STYXL2: variants seen among roughly 807,000 people sequenced by gnomAD.
STYXL2 encodes the protein serine/threonine/tyrosine interacting like 2, also known as serine/threonine/tyrosine-interacting-like protein 2.
A neutral mutation model predicts 52.4 loss-of-function variants in STYXL2; 44 were observed. The ratio of observed to expected loss-of-function variants is 0.84; its 90% CI spans 0.66 to 1.08. STYXL2 has a LOEUF of 1.08. STYXL2 is among the 50% of genes least tolerant of loss of function. STYXL2 has a pLI of 0.00. For synonymous variants in STYXL2, 604 were observed against 586.9 expected, an observed-to-expected ratio of 1.03 and a Z score of -0.42; for missense variants, 1,604 against 1,471.7, an observed-to-expected ratio of 1.09 and a Z score of -1.47.
intron 2 of STYXL2, among the ~76,000 whole-genome samples, chr1:167,101,418 T>C (rs1178622200): frequency 6.6e-6 from 1 of 152,198 alleles, no homozygotes; most frequent in Admixed American, 6.5e-5. Context: ...TTTCAGTTTC[T>C]TACAAAATTA....
Position 167,126,463 on chromosome 1 carries a change from C to T in STYXL2, c.1332C>T (p.Ser444=), listed in dbSNP as rs1403240207. The change falls in exon 6 of 6, where the codon AGC becomes AGT. Residue 444 remains serine (S), a synonymous_variant. Coordinates refer to ENST00000361200, the MANE Select transcript of STYXL2 (RefSeq NM_001080426.3). The part of the protein sequence containing the change: ...LSESSAWESV[S]SHDIWVLKQQ... ...AGAGCAGCGCCTGGGAGAGCGTGAG[C>T]AGCCACGACATCTGGGTCCTGAAGC... 6.3e-7 allele frequency: 1 copy of T among 1,593,670 alleles called. No homozygotes were observed. Among genetic ancestry groups the T allele is most frequent in the Admixed American group, 1.8e-5 (1 of 56,500 alleles).
At position 167,126,181 on chromosome 1, in the gene STYXL2, G is replaced by A; in HGVS notation, c.1050G>A (p.Leu350=). 1 of 1,521,958 alleles carries A rather than the reference G, an allele frequency of 6.6e-7. No individual in the cohort carries two copies. The highest frequency in any genetic ancestry group is 8.8e-7 in the Non-Finnish European group (1 of 1,138,620). The allele number at this position is 1,521,958 out of a possible 1,614,324, so 94.3% of individuals were successfully genotyped here. A position where few individuals can be genotyped will look rare whatever the true frequency, so the allele number is the denominator to read the frequency against. ...TAGACGAGGAGGAGGAGGAGAAACT[G>A]TACGAGCAGTGGAAGAAGGGGCAGG... ...TLIDEEEEEK[L]YEQWKKGQGL... is the part of the protein sequence containing the mutation. The change falls in exon 6 of 6, where the codon CTG becomes CTA. Residue 350 remains leucine, a synonymous_variant. Transcript: ENST00000361200.
At position 167,129,137 on chromosome 1, in the gene STYXL2, C is replaced by T. The variant is rs1407324699; in HGVS notation, c.*529C>T. ...AATGGTATGTTGGCAAATAGTTCTT[C>T]TTTATTCTGGTCATGTTTAACTTTT... On this transcript the variant is annotated 3_prime_UTR_variant, in exon 6 of 6. Coordinates refer to ENST00000361200, the MANE Select transcript of STYXL2 (RefSeq NM_001080426.3). 1 of 152,664 alleles carries T rather than the reference C, an allele frequency of 6.6e-6. No individual in the cohort carries two copies. Among genetic ancestry groups the T allele is most frequent in the Non-Finnish European group, 1.5e-5 (1 of 68,778 alleles). 9.5% of individuals were successfully genotyped at this position (152,664 alleles called of 1,614,324 possible).
intron 2 of STYXL2, among the ~76,000 whole-genome samples, chr1:167,107,483 T>C (rs1667529014): frequency 6.6e-6 from 1 of 152,028 alleles, no homozygotes. Flanking sequence ...GGGCAGAGAG[T>C]AGGCATGGAG....
chr1:167,102,288 A>G (rs2102224029), intron 2 of STYXL2, among the ~76,000 whole-genome samples: 1 of 143,548 alleles, frequency 7.0e-6, no homozygotes, highest in Admixed American at 6.9e-5. Context: ...TATCAATAAT[A>G]AAGCTGTTTT....
chr1:167,102,027 T>C (rs1471610528), intron 2 of STYXL2, among the ~76,000 whole-genome samples: 1 of 152,138 alleles, frequency 6.6e-6, no homozygotes, highest in East Asian at 1.9e-4. Context: ...ATAATTACAC[T>C]GCTTGAAAGT....
chr1:167,105,400 T>G (rs1172929245), intron 2 of STYXL2, among the ~76,000 whole-genome samples: 1 of 152,184 alleles, frequency 6.6e-6, no homozygotes, highest in Non-Finnish European at 1.5e-5. Flanking sequence ...TATGATGAGG[T>G]ATGTATCGAT....
chr1:167,119,300 T>G lies in STYXL2; in HGVS notation c.489T>G (p.Ile163Met). The G allele has an allele frequency of 6.2e-7, 1 of 1,614,182 alleles. No individual in the cohort carries two copies. The highest frequency in any genetic ancestry group is 8.5e-7 in the Non-Finnish European group (1 of 1,180,028). ...GRLKRLGITH[I>M]LNAAHGTGVY... ...TGAAGAGGCTGGGAATCACCCACATTCTGAATGCTGCGCATGGCACCGGCG... is the reference window on the plus strand; with the variant it reads ...TGAAGAGGCTGGGAATCACCCACATGCTGAATGCTGCGCATGGCACCGGCG... The change falls in exon 5 of 6, where the codon ATT (isoleucine) becomes ATG (methionine). Residue 163 changes from isoleucine (I) to methionine (M), a missense_variant. Transcript: ENST00000361200.
Position 167,126,949 on chromosome 1 carries a change from G to A in STYXL2, c.1818G>A (p.Glu606=). Residue 606 remains glutamate (E), a synonymous_variant, in exon 6 of 6, where the codon GAG becomes GAA. Transcript: ENST00000361200. ...AGAAGGTGGGCAGTGAGAACAAGGAGGAGGTGGTGGAGCTCAGCAAGGGGG... is the reference window on the plus strand; with the variant it reads ...AGAAGGTGGGCAGTGAGAACAAGGAAGAGGTGGTGGAGCTCAGCAAGGGGG... ...HQKKVGSENK[E]EVVELSKGED... is the part of the protein sequence containing the mutation. 6.2e-7 allele frequency: 1 copy of A among 1,611,074 alleles called. No individual in the cohort carries two copies. Among genetic ancestry groups the A allele is most frequent in the South Asian group, 1.1e-5 (1 of 90,498 alleles).
chr1:167,114,402 C>T (rs922256172), intron 3 of STYXL2, among the ~76,000 whole-genome samples: 1 of 151,960 alleles, frequency 6.6e-6, no homozygotes, highest in East Asian at 1.9e-4. Flanking sequence ...TCTTTCTTCC[C>T]CTTTCTTCTC....
At chr1:167,099,736 A>G (rs986691162) in intron 2 of STYXL2, among the ~76,000 whole-genome samples, 6 of 152,202 alleles carry the variant, frequency 3.9e-5, no homozygotes, top group African/African-American at 4.8e-5. Flanking sequence ...AGCTAAACAT[A>G]TGGTTGTCCT....
intron 5 of STYXL2, among the ~76,000 whole-genome samples, chr1:167,120,740 C>T (rs888258012): frequency 6.6e-6 from 1 of 151,074 alleles, no homozygotes; most frequent in African/African-American, 2.4e-5. Flanking sequence ...CCTCGGCCTC[C>T]CAAAGTGCTG....
In STYXL2 at chr1:167,127,781, G is replaced by A. The variant is rs749456929; in HGVS notation, c.2650G>A (p.Asp884Asn). The A allele has an allele frequency of 1.5e-5, 25 of 1,613,892 alleles. No homozygotes were observed. The East Asian group carries it at 5.3e-4, about 35-fold the overall frequency. Residue 884 changes from aspartate to asparagine, a missense_variant, in exon 6 of 6, where the codon GAT (aspartate) becomes AAT (asparagine). Asp to Asn is a conservative substitution (Grantham distance 23). Transcript: ENST00000361200. ...GGAAGATGAGGATGATGGTGTGGGT[G>A]ATGGGGATGAGGACACTGACAGTGC... ...VKEDEDDGVG[D>N]GDEDTDSAIG...
At chr1:167,113,265 C>T (rs1400125032) in intron 2 of STYXL2, among the ~76,000 whole-genome samples, 1 of 152,084 alleles carries the variant, frequency 6.6e-6, no homozygotes, top group Non-Finnish European at 1.5e-5. Context: ...ACAAAGGGAA[C>T]AGAAAGAGTG....
chr1:167,119,128 C>A, intron 4 of STYXL2, 121 bp from the exon 5 acceptor site: 2 of 820,092 alleles, frequency 2.4e-6, no homozygotes, highest in South Asian at 1.6e-5. Context: ...CAACCAGGGG[C>A]AGAAAAGGAG....
chr1:167,123,816 G>GT (rs1317156285), intron 5 of STYXL2, among the ~76,000 whole-genome samples: 5 of 152,154 alleles, frequency 3.3e-5, no homozygotes, highest in African/African-American at 1.2e-4. Context: ...TAGAGACAGG[G>GT]TTTTGCCATG....
At chr1:167,109,554 A>G (rs1453619603) in intron 2 of STYXL2, among the ~76,000 whole-genome samples, 1 of 152,052 alleles carries the variant, frequency 6.6e-6, no homozygotes. Flanking sequence ...GCTCAGACAC[A>G]CCTAACCCTG....
Position 167,127,530 on chromosome 1 carries a change from C to T in STYXL2, c.2399C>T (p.Ser800Phe). ...AGCTCTGACATGCAGTCTGTGCTGTCCTGCAACACCACACTGAGCTCACCC... is the reference window on the plus strand; with the variant it reads ...AGCTCTGACATGCAGTCTGTGCTGTTCTGCAACACCACACTGAGCTCACCC... ...RPSSDMQSVLSCNTTLSSPAE... is the reference protein window; with the variant it reads ...RPSSDMQSVLFCNTTLSSPAE... The change falls in exon 6 of 6, where the codon TCC (serine) becomes TTC (phenylalanine). Residue 800 changes from serine (S) to phenylalanine (F), a missense_variant. Physicochemically the swap from Ser to Phe is radical, Grantham distance 155. Coordinates refer to ENST00000361200, the MANE Select transcript of STYXL2 (RefSeq NM_001080426.3). 1 of 1,614,076 alleles carries T rather than the reference C, an allele frequency of 6.2e-7. No homozygotes were observed. The highest frequency in any genetic ancestry group is 8.5e-7 in the Non-Finnish European group (1 of 1,180,012).
Position 167,126,446 on chromosome 1 carries a change from G to T in STYXL2, c.1315G>T (p.Ala439Ser). Residue 439 changes from alanine to serine, a missense_variant, in exon 6 of 6, where the codon GCC becomes TCC. Physicochemically the swap from Ala to Ser is moderately conservative, Grantham distance 99. Coordinates refer to ENST00000361200, the MANE Select transcript of STYXL2 (RefSeq NM_001080426.3). Reference protein sequence around the residue: ...RRRRTLSESSAWESVSSHDIW... With the variant: ...RRRRTLSESSSWESVSSHDIW... Reference sequence around the variant, plus strand: ...GCGGCGCACCCTGAGCGAGAGCAGCGCCTGGGAGAGCGTGAGCAGCCACGA... The same window carrying T: ...GCGGCGCACCCTGAGCGAGAGCAGCTCCTGGGAGAGCGTGAGCAGCCACGA... 1.3e-6 allele frequency: 2 copies of T among 1,579,684 alleles called. No homozygotes were observed. The highest frequency in any genetic ancestry group is 1.7e-6 in the Non-Finnish European group (2 of 1,163,426).
Sources: gnomAD v4.1 joint callset for allele counts (sites outside exome capture counted in the v4.1 genomes callset) on GRCh38, gnomAD v4.1.1 for gene constraint, MANE v1.5 for transcripts, NCBI Gene and HGNC (gene_info 2026-07-23, HGNC 2026-07-21) for gene names.